The following SYCP2 variants were observed in gnomAD, a reference collection of about 807,000 sequenced individuals.
SYCP2 encodes the protein synaptonemal complex protein 2.
In SYCP2, 55 loss-of-function variants were observed where a neutral mutation model predicts 211.3. The ratio of observed to expected loss-of-function variants is 0.26; its 90% CI spans 0.21 to 0.33. The LOEUF (loss-of-function observed/expected upper bound fraction) is 0.33. SYCP2 is among the 10% of genes least tolerant of loss of function. The pLI, the probability that SYCP2 is intolerant of heterozygous loss-of-function variation, is 1.00. For synonymous variants in SYCP2, 570 were observed against 555.2 expected (o/e 1.03, Z -0.37); for missense variants, 1,731 against 1,752.0 (o/e 0.99, Z 0.21).
chr20:59,879,862 T>TACACACACACAC (rs1236840424), intron 31 of SYCP2, among the ~76,000 whole-genome samples: 3 of 116,072 alleles, frequency 2.6e-5, no homozygotes, highest in East Asian at 2.4e-4. Flanking sequence ...TATATATATA[T>TACACACACACAC]ACACACACAC....
At chr20:59,887,866 A>G (rs1366652929) in intron 24 of SYCP2, among the ~76,000 whole-genome samples, 1 of 152,034 alleles carries the variant, frequency 6.6e-6, no homozygotes, top group African/African-American at 2.4e-5. Flanking sequence ...CTGATCACAT[A>G]GACATAAAAA....
chr20:59,884,694 C>T (rs1023145678), intron 26 of SYCP2, among the ~76,000 whole-genome samples: 5 of 151,988 alleles, frequency 3.3e-5, no homozygotes, highest in African/African-American at 1.2e-4. Flanking sequence ...TGTTCATTCA[C>T]CTGTTGCATC....
intron 2 of SYCP2, among the ~76,000 whole-genome samples, chr20:59,927,178 G>A (rs2060648711): frequency 6.6e-6 from 1 of 152,092 alleles, no homozygotes; most frequent in African/African-American, 2.4e-5. Flanking sequence ...TTGGCCTTTA[G>A]ACTTTTAAAT....
chr20:59,914,266 G>T lies in SYCP2; in HGVS notation c.635-15C>A. On this transcript the variant is annotated splice_polypyrimidine_tract_variant and intron_variant, in intron 10 of 44. Coordinates refer to ENST00000357552, the MANE Select transcript of SYCP2 (RefSeq NM_014258.4). ...TAAGTCATAATCTATTAAAAAAATA[G>T]TTAATGTTTGATTTACAATTATGAA... The T allele has an allele frequency of 2.7e-6, 4 of 1,455,084 alleles. No homozygotes were observed. The highest frequency in any genetic ancestry group is 3.7e-6 in the Non-Finnish European group (4 of 1,069,128). 90.1% of individuals were successfully genotyped at this position (1,455,084 alleles called of 1,614,324 possible).
chr20:59,881,933 A>G lies in SYCP2; in HGVS notation c.2658+12T>C. 6.2e-7 allele frequency: 1 copy of G among 1,601,124 alleles called. No individual in the cohort carries two copies. The highest frequency in any genetic ancestry group is 1.3e-5 in the African/African-American group (1 of 74,706). On this transcript the variant is annotated intron_variant, in intron 28 of 44. Coordinates refer to ENST00000357552, the MANE Select transcript of SYCP2 (RefSeq NM_014258.4). ...CTGAGTAAATACAAAGTATCTTGGTATTTTAGCTTACTCCAAGTTTTATGA... is the reference window on the plus strand; with the variant it reads ...CTGAGTAAATACAAAGTATCTTGGTGTTTTAGCTTACTCCAAGTTTTATGA...
At chr20:59,904,062 A>T (rs937745105) in intron 15 of SYCP2, among the ~76,000 whole-genome samples, 4 of 152,138 alleles carry the variant, frequency 2.6e-5, no homozygotes, top group African/African-American at 9.7e-5. Context: ...AAAAGAAGAC[A>T]AGCAAGTATT....
chr20:59,916,379 C>T, intron 8 of SYCP2, 107 bp downstream of exon 8: 1 of 657,146 alleles, frequency 1.5e-6, no homozygotes, highest in Non-Finnish European at 2.7e-6. Flanking sequence ...AAATATACTC[C>T]AAGCTAAGTA....
Position 59,866,361 on chromosome 20 carries a change from T to C in SYCP2, c.4252A>G (p.Ile1418Val), listed in dbSNP as rs528670307. 13 of 1,595,272 alleles carry C rather than the reference T, an allele frequency of 8.1e-6. No homozygotes were observed. Among genetic ancestry groups the C allele is most frequent in the Middle Eastern group, 1.7e-4 (1 of 5,994 alleles). ...IKKLDKFQFI[I>V]IEELENFEKD... Reference sequence around the variant, plus strand: ...TCAAAATTCTCCAGCTCCTCTATGATAATGAATTGGAATTTATCAAGTTTT... The same window carrying C: ...TCAAAATTCTCCAGCTCCTCTATGACAATGAATTGGAATTTATCAAGTTTT... Residue 1418 changes from isoleucine (I) to valine (V), a missense_variant, in exon 41 of 45, where the codon ATC becomes GTC. By Grantham distance (29) the Ile-to-Val change is conservative. Coordinates refer to ENST00000357552, the MANE Select transcript of SYCP2 (RefSeq NM_014258.4).
At chr20:59,879,822 AAT>A (rs1159547809) in intron 31 of SYCP2, among the ~76,000 whole-genome samples, 5,042 of 50,530 alleles carry the variant, frequency 0.1, 92 homozygotes, top group Admixed American at 0.11. Flanking sequence ...AATATAAATA[AAT>A]ATATATATAT....
At chr20:59,933,029 CA>C (rs1480543753) in intron 1 of SYCP2, among the ~76,000 whole-genome samples, 1 of 152,098 alleles carries the variant, frequency 6.6e-6, no homozygotes, top group Non-Finnish European at 1.5e-5. Context: ...CCCGAACCAA[CA>C]AAGCACACAC....
intron 44 of SYCP2, 45 bp from the exon 45 acceptor site, chr20:59,864,433 G>A (rs766970245): frequency 2.7e-5 from 35 of 1,314,624 alleles, no homozygotes; most frequent in Admixed American, 1.4e-4. Context: ...TCACATTTTC[G>A]CTGTAAAACC....
At position 59,869,943 on chromosome 20, in the gene SYCP2, C is replaced by T. The variant is rs770240988; in HGVS notation, c.3596G>A (p.Arg1199Lys). Reference protein sequence around the residue: ...TPTKSNTIVNRKKISSLVLTQ... With the variant: ...TPTKSNTIVNKKKISSLVLTQ... ...AAGTACCAGAGAACTTATTTTTTTT[C>T]TATTTACAATAGTATTACTCTTAGT... The change falls in exon 36 of 45, where the codon AGA (arginine) becomes AAA (lysine). Residue 1199 changes from arginine (R) to lysine (K), a missense_variant. Around this residue, in one of 3 missense-constraint regions of SYCP2, gnomAD observed 1,387 missense variants for 1,351.3 expected, o/e 1.03. Transcript: ENST00000357552. The T allele has an allele frequency of 2.0e-5, 32 of 1,602,568 alleles. No individual in the cohort carries two copies. In the African/African-American group the frequency reaches 3.4e-4, roughly 17 times the overall value.
intron 35 of SYCP2, among the ~76,000 whole-genome samples, chr20:59,870,376 TAAAAC>T (rs571553361): frequency 6.6e-6 from 1 of 151,652 alleles, no homozygotes; most frequent in Non-Finnish European, 1.5e-5. Flanking sequence ...TTGTTGGAGA[TAAAAC>T]AATCAATAGT....
rs545348555 is a variant in SYCP2, at chr20:59,918,196, G to A, written c.427+962C>T. ...CAACCTTTATTGCTGAATACTGAATGGCTTTGGTAATTAGCACTGGCTGCA... is the reference window on the plus strand; with the variant it reads ...CAACCTTTATTGCTGAATACTGAATAGCTTTGGTAATTAGCACTGGCTGCA... On this transcript the variant is annotated intron_variant, in intron 7 of 44. Transcript: ENST00000357552. Among the ~76,000 whole-genome samples, 5 of 152,260 alleles carry A rather than the reference G, an allele frequency of 3.3e-5. No homozygotes were observed. In the East Asian group the frequency reaches 7.7e-4, roughly 24 times the overall value.
At chr20:59,865,749 T>C in intron 42 of SYCP2, 58 bp downstream of exon 42, 8 of 1,034,592 alleles carry the variant, frequency 7.7e-6, no homozygotes, top group South Asian at 2.7e-5. Flanking sequence ...CAAATAGAAA[T>C]TTATTAATTT....
At chr20:59,866,453 T>C (rs745810286) in intron 40 of SYCP2, 42 bp downstream of exon 40, 35 of 1,563,180 alleles carry the variant, frequency 2.2e-5, no homozygotes, top group Non-Finnish European at 8.8e-7. Context: ...TATAGGAATA[T>C]GTAGCATTCA....
intron 35 of SYCP2, 24 bp downstream of exon 35, chr20:59,873,832 A>G (rs1308947328): frequency 7.7e-6 from 12 of 1,560,752 alleles, no homozygotes; most frequent in Non-Finnish European, 1.0e-5. Context: ...TCTGATAAAG[A>G]GAAAAATATA....
intron 5 of SYCP2, among the ~76,000 whole-genome samples, chr20:59,919,876 T>C (rs1051310597): frequency 1.3e-5 from 2 of 151,684 alleles, no homozygotes; most frequent in African/African-American, 2.4e-5. Context: ...TTTATTATAA[T>C]AGAAGGAAGT....
intron 6 of SYCP2, 75 bp from the exon 7 acceptor site, chr20:59,919,257 C>G: frequency 5.0e-6 from 4 of 794,698 alleles, no homozygotes; most frequent in Non-Finnish European, 8.2e-6. Flanking sequence ...TAAACCATTA[C>G]AAATGGTATT....
Sources: allele counts gnomAD v4.1 joint callset (sites outside exome capture counted in the v4.1 genomes callset), GRCh38; gene constraint gnomAD v4.1.1; regional missense constraint gnomAD v4.1.1; transcripts MANE v1.5; gene names NCBI Gene and HGNC (gene_info 2026-07-23, HGNC 2026-07-21).